The following GLDC variants were observed in gnomAD, a reference collection of about 807,000 sequenced individuals.
The protein encoded by GLDC is glycine decarboxylase.
GLDC carries 104 observed loss-of-function variants against 121.3 expected under a neutral mutation model. That is an observed-to-expected ratio of 0.86 (90% CI 0.73 to 1.01). The LOEUF (loss-of-function observed/expected upper bound fraction) is 1.01. GLDC is among the 50% of genes least tolerant of loss of function. The probability of loss-of-function intolerance (pLI) is 0.00; values close to 1 mark genes in which losing one functional copy is unlikely to be tolerated. For missense variants in GLDC, 1,429 were observed against 1,306.6 expected (o/e 1.09, Z -1.44); for synonymous variants, 546 against 480.6 (o/e 1.14, Z -1.78).
chr9:6,541,534 G>A (rs1453235367), intron 21 of GLDC: 2 of 152,072 alleles, frequency 1.3e-5, no homozygotes, highest in Non-Finnish European at 2.9e-5. Flanking sequence ...AAACATGAAA[G>A]AGGTGGAGCT....
At chr9:6,589,630 C>T (rs1818338576) in intron 11 of GLDC, among the ~76,000 whole-genome samples, 1 of 152,022 alleles carries the variant, frequency 6.6e-6, no homozygotes, top group Non-Finnish European at 1.5e-5. Flanking sequence ...TTTCACCATG[C>T]CGCCCAGGCT....
At chr9:6,585,693 A>T (rs1304328500) in intron 15 of GLDC, among the ~76,000 whole-genome samples, 1 of 152,228 alleles carries the variant, frequency 6.6e-6, no homozygotes, top group Admixed American at 6.5e-5. Context: ...GTCAACTCTG[A>T]GGCTGCTGGT....
Position 6,564,308 on chromosome 9 carries a change from G to A in GLDC, c.1926+1046C>T, listed in dbSNP as rs1336684237. Among the ~76,000 whole-genome samples the A allele has an allele frequency of 2.0e-5, 3 of 151,946 alleles. No homozygotes were observed. In the East Asian group the frequency reaches 5.8e-4, roughly 29 times the overall value. On this transcript the variant is annotated intron_variant, in intron 16 of 24. Transcript: ENST00000321612. ...TGAAAGCCTGGAAAGACACACCTGT[G>A]GAATCAGGATGAACTATGCAAGGGA... is the stretch of plus-strand genomic sequence containing the variant.
chr9:6,573,810 G>T (rs545942421), intron 15 of GLDC, among the ~76,000 whole-genome samples: 2 of 152,204 alleles, frequency 1.3e-5, no homozygotes, highest in Non-Finnish European at 2.9e-5. Context: ...GGCACCTTCA[G>T]AGGACCACTC....
chr9:6,596,787 T>A (rs912900305), intron 8 of GLDC, among the ~76,000 whole-genome samples: 1 of 152,248 alleles, frequency 6.6e-6, no homozygotes, highest in Admixed American at 6.5e-5. Flanking sequence ...CATATGCTGC[T>A]GGTAGGAAAG....
chr9:6,636,583 G>C lies in GLDC; in HGVS notation c.334+8031C>G, dbSNP rs918292889. On this transcript the variant is annotated intron_variant, in intron 2 of 24. Coordinates refer to ENST00000321612, the MANE Select transcript of GLDC (RefSeq NM_000170.3). ...TCCTGAGCCCAGGAATTCGAGACCA[G>C]CATGGGCAACACAGTAAGATTGTCT... 9.9e-5 allele frequency among the ~76,000 whole-genome samples: 15 copies of C among 152,202 alleles called. No individual in the cohort carries two copies. The East Asian group carries it at 2.5e-3, about 26-fold the overall frequency.
At chr9:6,576,329 G>C (rs996075386) in intron 15 of GLDC, among the ~76,000 whole-genome samples, 1 of 152,072 alleles carries the variant, frequency 6.6e-6, no homozygotes, top group Admixed American at 6.6e-5. Flanking sequence ...TGGTGGAAGG[G>C]GTAAAGAGCT....
Position 6,609,293 on chromosome 9 carries a change from T to C in GLDC, c.635+899A>G, listed in dbSNP as rs147660804. On this transcript the variant is annotated intron_variant, in intron 4 of 24. Coordinates refer to ENST00000321612, the MANE Select transcript of GLDC (RefSeq NM_000170.3). ...CAAAGATTTATTATAAGGATGCACA[T>C]GAAGTACTATTAATAACAGTAAGAG... is the stretch of plus-strand genomic sequence containing the variant. Among the ~76,000 whole-genome samples the C allele has an allele frequency of 3.5e-3, 530 of 152,264 alleles. 3 individuals are homozygous for C. Among genetic ancestry groups the C allele is most frequent in the African/African-American group, 0.012 (490 of 41,542 alleles).
At chr9:6,580,824 G>T (rs539400722) in intron 15 of GLDC, among the ~76,000 whole-genome samples, 1 of 152,300 alleles carries the variant, frequency 6.6e-6, no homozygotes, top group East Asian at 1.9e-4. Flanking sequence ...ATCTTCCCCT[G>T]AAAGGCACTG....
intron 21 of GLDC, chr9:6,541,826 C>CAAA (rs58987224): frequency 3.9e-5 from 2 of 51,750 alleles, no homozygotes; most frequent in African/African-American, 1.7e-4. Context: ...GACTTCATCT[C>CAAA]AAAAAAAAAA....
chr9:6,629,098 A>G lies in GLDC; in HGVS notation c.335-8779T>C, dbSNP rs540144330. ...ATGCTTCCTCTTTACATCATTCCAC[A>G]TAAGAGCCCTTCTATAGCAACTCCT... On this transcript the variant is annotated intron_variant, in intron 2 of 24. Coordinates refer to ENST00000321612, the MANE Select transcript of GLDC (RefSeq NM_000170.3). 7.9e-5 allele frequency among the ~76,000 whole-genome samples: 12 copies of G among 152,010 alleles called. No homozygotes were observed. The South Asian group carries it at 2.5e-3, about 32-fold the overall frequency.
In GLDC at chr9:6,587,283, G is replaced by T; in HGVS notation, c.1708C>A (p.Pro570Thr). The T allele has an allele frequency of 6.2e-7, 1 of 1,611,702 alleles. No individual in the cohort carries two copies. Among genetic ancestry groups the T allele is most frequent in the Non-Finnish European group, 8.5e-7 (1 of 1,177,926 alleles). ...MKLNSSSELA[P>T]ITWKEFANIH... Reference sequence around the variant, plus strand: ...TTTGCAAATTCTTTCCATGTGATAGGCTGAAAAGAAAGAAAACAAAAATGC... The same window carrying T: ...TTTGCAAATTCTTTCCATGTGATAGTCTGAAAAGAAAGAAAACAAAAATGC... The change falls in exon 15 of 25, where the codon CCT becomes ACT. Residue 570 changes from proline to threonine, a missense_variant and splice_region_variant. Physicochemically the swap from Pro to Thr is conservative, Grantham distance 38. Transcript: ENST00000321612.
At chr9:6,637,620 C>T (rs557566582) in intron 2 of GLDC, among the ~76,000 whole-genome samples, 40 of 152,116 alleles carry the variant, frequency 2.6e-4, no homozygotes, top group South Asian at 1.0e-3. Flanking sequence ...GCATGCACCA[C>T]CACAGCCAGC....
intron 15 of GLDC, among the ~76,000 whole-genome samples, chr9:6,573,532 T>A (rs772794194): frequency 1.5e-4 from 23 of 151,772 alleles, no homozygotes; most frequent in Non-Finnish European, 2.9e-4. Context: ...TGCAGAAGGG[T>A]TATAAAGCAA....
chr9:6,564,465 C>G (rs1162246771), intron 16 of GLDC, among the ~76,000 whole-genome samples: 1 of 152,182 alleles, frequency 6.6e-6, no homozygotes, highest in Non-Finnish European at 1.5e-5. Flanking sequence ...CAGAAATGGA[C>G]TAAGATCGGG....
chr9:6,612,798 G>T (rs1286206412), intron 3 of GLDC, among the ~76,000 whole-genome samples: 1 of 152,106 alleles, frequency 6.6e-6, no homozygotes, highest in Non-Finnish European at 1.5e-5. Flanking sequence ...GAAGGCGGAG[G>T]TTGCAGTGAG....
chr9:6,602,347 T>A (rs1818632587), intron 7 of GLDC, 142 bp from the exon 8 acceptor site: 2 of 678,502 alleles, frequency 2.9e-6, no homozygotes, highest in Admixed American at 4.1e-5. Flanking sequence ...AAACAATTTC[T>A]AAACGTTCCT....
chr9:6,605,974 A>G lies in GLDC; in HGVS notation c.713+618T>C, dbSNP rs138962035. 5.7e-3 allele frequency: 908 copies of G among 160,120 alleles called. 5 individuals are homozygous for G. Among genetic ancestry groups the G allele is most frequent in the African/African-American group, 0.021 (862 of 41,450 alleles). The allele number at this position is 160,120 out of a possible 1,614,324, so 9.9% of individuals were successfully genotyped here. A position where few individuals can be genotyped will look rare whatever the true frequency, so the allele number is the denominator to read the frequency against. ...TTTTCTCTGTTTTTCAAACGTTCCA[A>G]AACCTGATCAAAACAATATTTTTAT... On this transcript the variant is annotated intron_variant, in intron 5 of 24. Coordinates refer to ENST00000321612, the MANE Select transcript of GLDC (RefSeq NM_000170.3).
intron 15 of GLDC, among the ~76,000 whole-genome samples, chr9:6,569,956 AC>A (rs2129774132): frequency 6.6e-6 from 1 of 152,332 alleles, no homozygotes; most frequent in East Asian, 1.9e-4. Context: ...AGCCTGGGCC[AC>A]AGAGTGAGAC....
Sources: allele counts gnomAD v4.1 joint callset (sites outside exome capture counted in the v4.1 genomes callset), GRCh38; gene constraint gnomAD v4.1.1; transcripts MANE v1.5; gene names NCBI Gene and HGNC (gene_info 2026-07-23, HGNC 2026-07-21).